The following ULK4 variants were observed in gnomAD, a reference collection of about 807,000 sequenced individuals.
ULK4 encodes the protein inactive serine/threonine-protein kinase ULK4.
Under a neutral mutation model 160.6 loss-of-function variants are expected in ULK4, and 133 were observed. That is an observed-to-expected ratio of 0.83 (90% CI 0.72 to 0.96). The LOEUF (loss-of-function observed/expected upper bound fraction) is 0.96. Among genes scored for constraint, ULK4 ranks in the 40% least tolerant of loss-of-function variants. The probability of loss-of-function intolerance (pLI) is 0.00; values close to 1 mark genes in which losing one functional copy is unlikely to be tolerated. For missense variants in ULK4, 1,580 were observed against 1,499.5 expected (o/e 1.05, Z -0.89); for synonymous variants, 534 against 539.8 (o/e 0.99, Z 0.15).
chr3:41,316,013 A>G (rs2080136557), intron 35 of ULK4, among the ~76,000 whole-genome samples: 1 of 152,236 alleles, frequency 6.6e-6, no homozygotes, highest in Non-Finnish European at 1.5e-5. Context: ...ATAGTTACCA[A>G]ATGACCCAGG....
At chr3:41,765,726 G>A (rs1415152427) in intron 21 of ULK4, among the ~76,000 whole-genome samples, 1 of 152,020 alleles carries the variant, frequency 6.6e-6, no homozygotes, top group Non-Finnish European at 1.5e-5. Flanking sequence ...AGTAAGGAGT[G>A]GAGGAAGCAA....
chr3:41,350,306 A>C (rs952316642), intron 35 of ULK4, among the ~76,000 whole-genome samples: 2 of 152,144 alleles, frequency 1.3e-5, no homozygotes, highest in Non-Finnish European at 2.9e-5. Context: ...AAAGTTATGG[A>C]TCTCTTCTCC....
At chr3:41,393,337 T>C (rs995184785) in intron 35 of ULK4, among the ~76,000 whole-genome samples, 1 of 152,140 alleles carries the variant, frequency 6.6e-6, no homozygotes, top group Admixed American at 6.5e-5. Flanking sequence ...CCATCAACAA[T>C]GTCTAAACTC....
chr3:41,754,349 A>T lies in ULK4; in HGVS notation c.2321+12T>A, dbSNP rs9867627. ...TTGAAGTTACTGATGAAACCATCAGAGAAAATCTTACCTTGCTTGGCAACT... is the reference window on the plus strand; with the variant it reads ...TTGAAGTTACTGATGAAACCATCAGTGAAAATCTTACCTTGCTTGGCAACT... On this transcript the variant is annotated intron_variant, in intron 22 of 36. Transcript: ENST00000301831. 2.5e-6 allele frequency: 4 copies of T among 1,607,354 alleles called. No homozygotes were observed. Among genetic ancestry groups the T allele is most frequent in the African/African-American group, 2.7e-5 (2 of 74,516 alleles).
chr3:41,602,635 T>C (rs1173557087), intron 31 of ULK4, among the ~76,000 whole-genome samples: 1 of 152,122 alleles, frequency 6.6e-6, no homozygotes, highest in African/African-American at 2.4e-5. Flanking sequence ...TATATAAAAA[T>C]TTTTAATAGC....
In ULK4 at chr3:41,505,645, T is replaced by C. The variant is rs956420807; in HGVS notation, c.3227-42392A>G. ...TTTTTTTATATCAATCTTATAGCAA[T>C]TGATTTTTTTATATTGACCTTGTGC... is the stretch of plus-strand genomic sequence containing the variant. On this transcript the variant is annotated intron_variant, in intron 32 of 36. Transcript: ENST00000301831. 3.9e-5 allele frequency among the ~76,000 whole-genome samples: 6 copies of C among 152,290 alleles called. No individual in the cohort carries two copies. The South Asian group carries it at 1.2e-3, about 32-fold the overall frequency.
chr3:41,643,911 C>T (rs1034083394), intron 30 of ULK4, among the ~76,000 whole-genome samples: 8 of 151,908 alleles, frequency 5.3e-5, no homozygotes, highest in African/African-American at 1.9e-4. Flanking sequence ...CCTTCACATC[C>T]CTTGTAAGTT....
chr3:41,552,796 G>A (rs927000075), intron 32 of ULK4, among the ~76,000 whole-genome samples: 7 of 151,398 alleles, frequency 4.6e-5, no homozygotes, highest in Admixed American at 1.3e-4. Flanking sequence ...AAGCAATCTG[G>A]AGAAAAATAA....
intron 22 of ULK4, among the ~76,000 whole-genome samples, chr3:41,728,426 T>C (rs1180857207): frequency 1.3e-5 from 2 of 152,074 alleles, no homozygotes; most frequent in Non-Finnish European, 2.9e-5. Context: ...AAGGCTCTTT[T>C]TAATAACCAG....
chr3:41,298,294 G>T (rs2079711901), intron 35 of ULK4, among the ~76,000 whole-genome samples: 1 of 152,170 alleles, frequency 6.6e-6, no homozygotes, highest in Non-Finnish European at 1.5e-5. Flanking sequence ...ATAACATTGG[G>T]ATTCAAAAGA....
chr3:41,540,130 T>C (rs1044373894), intron 32 of ULK4, among the ~76,000 whole-genome samples: 1 of 152,158 alleles, frequency 6.6e-6, no homozygotes, highest in Non-Finnish European at 1.5e-5. Flanking sequence ...GCAGGTTTGT[T>C]ACATTTGCCA....
chr3:41,738,154 A>G (rs904267297), intron 22 of ULK4, among the ~76,000 whole-genome samples: 11 of 152,012 alleles, frequency 7.2e-5, no homozygotes, highest in Non-Finnish European at 1.6e-4. Flanking sequence ...AATTAAAAAT[A>G]GTCTATTTGG....
chr3:41,644,175 A>G (rs376220977), intron 30 of ULK4, among the ~76,000 whole-genome samples: 8 of 152,110 alleles, frequency 5.3e-5, no homozygotes, highest in Admixed American at 2.0e-4. Flanking sequence ...CTAATTGAAT[A>G]CCCTTTATTT....
At chr3:41,509,013 T>C (rs1051424985) in intron 32 of ULK4, among the ~76,000 whole-genome samples, 16 of 152,014 alleles carry the variant, frequency 1.1e-4, no homozygotes, top group Non-Finnish European at 1.5e-4. Flanking sequence ...AGGTTAATTA[T>C]TAAGCTAATC....
chr3:41,714,839 G>A (rs747470952), intron 25 of ULK4, among the ~76,000 whole-genome samples: 10 of 106,598 alleles, frequency 9.4e-5, no homozygotes, highest in African/African-American at 2.1e-4. Flanking sequence ...GCAACAGAGC[G>A]AGACTCTGTC....
intron 34 of ULK4, among the ~76,000 whole-genome samples, chr3:41,454,843 C>T (rs890935043): frequency 2.0e-5 from 3 of 151,790 alleles, no homozygotes; most frequent in African/African-American, 7.3e-5. Context: ...CAGGTGAACA[C>T]CACCACGCCT....
intron 32 of ULK4, among the ~76,000 whole-genome samples, chr3:41,508,944 C>T (rs1275540272): frequency 1.3e-5 from 2 of 152,038 alleles, no homozygotes; most frequent in Non-Finnish European, 2.9e-5. Flanking sequence ...ATCACCAGCT[C>T]ACCAGCAATG....
chr3:41,332,011 T>G (rs1481852722), intron 35 of ULK4, among the ~76,000 whole-genome samples: 1 of 152,180 alleles, frequency 6.6e-6, no homozygotes, highest in Non-Finnish European at 1.5e-5. Context: ...CTAAAATAAA[T>G]AGTTGTTAAA....
chr3:41,744,892 T>C (rs1029313783), intron 22 of ULK4, among the ~76,000 whole-genome samples: 2 of 151,630 alleles, frequency 1.3e-5, no homozygotes, highest in African/African-American at 4.9e-5. Flanking sequence ...TCAAACTATA[T>C]ATCAATAACA....
Sources: allele counts gnomAD v4.1 joint callset (sites outside exome capture counted in the v4.1 genomes callset), GRCh38; gene constraint gnomAD v4.1.1; transcripts MANE v1.5; gene names NCBI Gene and HGNC (gene_info 2026-07-23, HGNC 2026-07-21).